DNAH8: variants seen among roughly 807,000 people sequenced by gnomAD.
DNAH8 encodes the protein dynein axonemal heavy chain 8.
Under a neutral mutation model 562.1 loss-of-function variants are expected in DNAH8, and 382 were observed. The ratio of observed to expected loss-of-function variants is 0.68; its 90% CI spans 0.63 to 0.74. DNAH8 has a LOEUF of 0.74. Ranked by LOEUF, DNAH8 falls within the 30% of genes least tolerant of loss-of-function variation. The pLI is 0.00. For missense variants in DNAH8, 5,203 were observed against 5,620.4 expected, an observed-to-expected ratio of 0.93 and a Z score of 2.37; for synonymous variants, 1,881 against 1,919.4, an observed-to-expected ratio of 0.98 and a Z score of 0.52.
chr6:38,742,790 AT>A (rs533703971), intron 8 of DNAH8, among the ~76,000 whole-genome samples: 135 of 151,780 alleles, frequency 8.9e-4, no homozygotes, highest in Admixed American at 8.0e-3. Flanking sequence ...TTTCTATTTT[AT>A]TTTTTCCTCA....
At chr6:38,825,686 G>A (rs1773252879) in intron 28 of DNAH8, among the ~76,000 whole-genome samples, 6 of 152,094 alleles carry the variant, frequency 3.9e-5, no homozygotes, top group Admixed American at 3.9e-4. Flanking sequence ...CTAGGTCCAG[G>A]GTCCAGGGTC....
At chr6:38,880,480 T>A (rs925205009) in intron 53 of DNAH8, among the ~76,000 whole-genome samples, 1 of 152,006 alleles carries the variant, frequency 6.6e-6, no homozygotes, top group African/African-American at 2.4e-5. Flanking sequence ...TGTTTAAAAG[T>A]CACTATTAAG....
intron 87 of DNAH8, among the ~76,000 whole-genome samples, chr6:38,988,568 A>G (rs1764568573): frequency 6.6e-6 from 1 of 152,096 alleles, no homozygotes; most frequent in Non-Finnish European, 1.5e-5. Flanking sequence ...ACTACTCTCC[A>G]TTTCTTGAAT....
chr6:38,754,065 T>C (rs1298194388), intron 9 of DNAH8, among the ~76,000 whole-genome samples: 1 of 152,208 alleles, frequency 6.6e-6, no homozygotes, highest in Admixed American at 6.6e-5. Context: ...TGCTTCCATT[T>C]CTGGTTCATA....
chr6:38,789,994 CT>C, intron 19 of DNAH8, 111 bp downstream of exon 19: 1 of 763,468 alleles, frequency 1.3e-6, no homozygotes, highest in Non-Finnish European at 2.1e-6. Flanking sequence ...CTCCATCTTT[CT>C]AGTTCAATTT....
Position 38,883,949 on chromosome 6 carries a change from T to C in DNAH8, c.8210T>C (p.Val2737Ala), listed in dbSNP as rs182555083. ...CCACCAGGAGGGAGAAAAATGACTGTATTTATTGATGATATTAATATGCCT... is the reference window on the plus strand; with the variant it reads ...CCACCAGGAGGGAGAAAAATGACTGCATTTATTGATGATATTAATATGCCT... ...YGPPGGRKMT[V>A]FIDDINMPVI... Residue 2737 changes from valine to alanine, a missense_variant, in exon 56 of 93, where the codon GTA becomes GCA. This residue lies in a region of DNAH8 where 977 missense variants were observed against 1,061.8 expected (regional missense o/e 0.92). Coordinates refer to ENST00000327475, the MANE Select transcript of DNAH8 (RefSeq NM_001206927.2). The C allele has an allele frequency of 3.1e-6, 5 of 1,588,454 alleles. No homozygotes were observed. The highest frequency in any genetic ancestry group is 1.3e-5 in the African/African-American group (1 of 74,270).
At chr6:38,974,333 T>C (rs780064486) in intron 84 of DNAH8, 41 bp from the exon 85 acceptor site, 3 of 1,459,654 alleles carry the variant, frequency 2.1e-6, no homozygotes, top group South Asian at 2.6e-5. Context: ...TTCTTTATAG[T>C]AATTTATAGA....
At chr6:38,747,717 T>G (rs1582893624) in intron 8 of DNAH8, among the ~76,000 whole-genome samples, 1 of 152,338 alleles carries the variant, frequency 6.6e-6, no homozygotes, top group African/African-American at 2.4e-5. Context: ...TCATCATAAC[T>G]TTTGTACATC....
chr6:38,777,950 A>T (rs573269834), intron 13 of DNAH8, among the ~76,000 whole-genome samples: 184 of 152,242 alleles, frequency 1.2e-3, no homozygotes, highest in Non-Finnish European at 2.1e-3. Context: ...GAAATATCCA[A>T]TTGGTAATGA....
intron 4 of DNAH8, among the ~76,000 whole-genome samples, chr6:38,733,516 G>A (rs1763825716): frequency 6.6e-6 from 1 of 152,160 alleles, no homozygotes; most frequent in Non-Finnish European, 1.5e-5. Flanking sequence ...AAAGGTTGGG[G>A]ATGGGATAGG....
intron 68 of DNAH8, among the ~76,000 whole-genome samples, chr6:38,915,915 CAT>C (rs1246127141): frequency 4.6e-5 from 7 of 151,946 alleles, no homozygotes; most frequent in African/African-American, 1.5e-4. Flanking sequence ...TATATACACA[CAT>C]ATATACACAC....
At chr6:38,792,086 A>G (rs1393895674) in intron 21 of DNAH8, among the ~76,000 whole-genome samples, 4 of 151,978 alleles carry the variant, frequency 2.6e-5, no homozygotes, top group African/African-American at 9.7e-5. Flanking sequence ...TGAGAGGCTT[A>G]GCCAGGACTT....
At chr6:38,921,561 GC>G in intron 71 of DNAH8, 55 bp downstream of exon 71, 1 of 1,554,754 alleles carries the variant, frequency 6.4e-7, no homozygotes, top group African/African-American at 1.4e-5. Context: ...TTACACAAGA[GC>G]ATGCTATATT....
chr6:38,779,861 T>TG, intron 14 of DNAH8, 105 bp from the exon 15 acceptor site: 1 of 1,090,800 alleles, frequency 9.2e-7, no homozygotes, highest in Admixed American at 2.0e-5. Context: ...GAATGAGGGC[T>TG]GGTATGAATA....
At position 38,868,094 on chromosome 6, in the gene DNAH8, G is replaced by A. The variant is rs878854275; in HGVS notation, c.6726G>A (p.Leu2242=). 5 of 1,612,896 alleles carry A rather than the reference G, an allele frequency of 3.1e-6. No individual in the cohort carries two copies. The highest frequency in any genetic ancestry group is 4.2e-6 in the Non-Finnish European group (5 of 1,179,710). The change falls in exon 48 of 93, where the codon CTG becomes CTA. Residue 2242 remains leucine (L), a synonymous_variant. Transcript: ENST00000327475. ...ATGACTTTGGATTGAGAAATATTCT[G>A]TCTGTATTGAGGACTCTTGGATCTC... The part of the protein sequence containing the change: ...VHYDFGLRNI[L]SVLRTLGSQK...
At chr6:38,744,925 A>G (rs1764807962) in intron 8 of DNAH8, among the ~76,000 whole-genome samples, 1 of 152,134 alleles carries the variant, frequency 6.6e-6, no homozygotes, top group African/African-American at 2.4e-5. Flanking sequence ...TAATATGGAT[A>G]TTAATCACTC....
chr6:38,724,784 G>A (rs140206304), intron 3 of DNAH8, among the ~76,000 whole-genome samples: 139 of 152,258 alleles, frequency 9.1e-4, no homozygotes, highest in African/African-American at 3.2e-3. Flanking sequence ...CTGAACCCTA[G>A]GAGTGGACTG....
intron 17 of DNAH8, 44 bp from the exon 18 acceptor site, chr6:38,786,721 A>G (rs1309614715): frequency 6.3e-7 from 1 of 1,578,340 alleles, no homozygotes. Context: ...TGGAAGCAGA[A>G]AGGAAATTCA....
At chr6:39,026,051 G>A (rs1269896435) in intron 91 of DNAH8, among the ~76,000 whole-genome samples, 3 of 152,174 alleles carry the variant, frequency 2.0e-5, no homozygotes, top group Non-Finnish European at 2.9e-5. Flanking sequence ...TGGTCAAATT[G>A]AAAGTCAGGT....
Sources: allele counts gnomAD v4.1 joint callset (sites outside exome capture counted in the v4.1 genomes callset), GRCh38; gene constraint gnomAD v4.1.1; regional missense constraint gnomAD v4.1.1; transcripts MANE v1.5; gene names NCBI Gene and HGNC (gene_info 2026-07-23, HGNC 2026-07-21).